RAPGEF2: variants seen among roughly 807,000 people sequenced by gnomAD.
RAPGEF2 encodes PDZ domain containing guanine nucleotide exchange factor (GEF) 1.
A neutral mutation model predicts 186.7 loss-of-function variants in RAPGEF2; 54 were observed. The ratio of observed to expected loss-of-function variants is 0.29; its 90% CI spans 0.23 to 0.36. The LOEUF (loss-of-function observed/expected upper bound fraction) is 0.36. Among genes scored for constraint, RAPGEF2 ranks in the 10% least tolerant of loss-of-function variants. The probability of loss-of-function intolerance (pLI) is 1.00; values close to 1 mark genes in which losing one functional copy is unlikely to be tolerated. For missense variants in RAPGEF2, 1,532 were observed against 2,045.0 expected (o/e 0.75, Z 4.84); for synonymous variants, 712 against 705.9 (o/e 1.01, Z -0.14).
intron 1 of RAPGEF2, chr4:159,128,944 G>GTATGTA (rs1740697476): frequency 7.5e-6 from 1 of 132,950 alleles, no homozygotes; most frequent in African/African-American, 2.7e-5. Flanking sequence ...GTGTGTGTGT[G>GTATGTA]TATATATATA....
At chr4:159,205,519 T>G (rs2111355359) in intron 3 of RAPGEF2, among the ~76,000 whole-genome samples, 1 of 152,314 alleles carries the variant, frequency 6.6e-6, no homozygotes, top group East Asian at 1.9e-4. Context: ...GGTTAGGCTC[T>G]GTGTCCCCAC....
intron 7 of RAPGEF2, among the ~76,000 whole-genome samples, chr4:159,278,673 C>T (rs1482597987): frequency 3.3e-5 from 5 of 152,144 alleles, no homozygotes; most frequent in Non-Finnish European, 7.4e-5. Flanking sequence ...GCATTGTGGT[C>T]AGAAAACTCC....
intron 20 of RAPGEF2, 129 bp downstream of exon 20, chr4:159,342,076 T>C: frequency 1.1e-6 from 1 of 931,936 alleles, no homozygotes; most frequent in Non-Finnish European, 1.5e-6. Context: ...ACAATTCTTT[T>C]TCTCTGAATC....
chr4:159,157,428 T>C (rs1333835976), intron 1 of RAPGEF2, among the ~76,000 whole-genome samples: 3 of 152,242 alleles, frequency 2.0e-5, no homozygotes, highest in Non-Finnish European at 4.4e-5. Flanking sequence ...CTATTATTGC[T>C]AATACTCCCA....
At chr4:159,163,348 G>A (rs919201189) in intron 1 of RAPGEF2, among the ~76,000 whole-genome samples, 10 of 152,282 alleles carry the variant, frequency 6.6e-5, no homozygotes, top group East Asian at 1.9e-4. Flanking sequence ...ACATTTTATT[G>A]TGAGGTATAA....
rs956047107 is a variant in RAPGEF2 at position 159,251,516 on chromosome 4, T to C, written c.543+7725T>C. Among the ~76,000 whole-genome samples the C allele has an allele frequency of 3.9e-5, 6 of 152,132 alleles. No homozygotes were observed. The East Asian group carries it at 1.2e-3, about 30-fold the overall frequency. On this transcript the variant is annotated intron_variant, in intron 7 of 29. Transcript: ENST00000691494. ...AGCACTCTGTATCCAGCTAATCTGGTAGGGACTTGGAGAACTTTTATGTCT... is the reference window on the plus strand; with the variant it reads ...AGCACTCTGTATCCAGCTAATCTGGCAGGGACTTGGAGAACTTTTATGTCT...
chr4:159,237,107 G>A (rs1221395554), intron 4 of RAPGEF2, among the ~76,000 whole-genome samples: 1 of 152,092 alleles, frequency 6.6e-6, no homozygotes, highest in African/African-American at 2.4e-5. Flanking sequence ...TGCAACCTCT[G>A]CCTCCCATGC....
At chr4:159,345,504 G>A (rs12510638) in intron 24 of RAPGEF2, among the ~76,000 whole-genome samples, 175 bp downstream of exon 24, 4 of 152,040 alleles carry the variant, frequency 2.6e-5, no homozygotes, top group Non-Finnish European at 5.9e-5. Context: ...CACTGTGCAC[G>A]GCCAGGCCGT....
chr4:159,300,044 A>G (rs1453852178), intron 7 of RAPGEF2, among the ~76,000 whole-genome samples: 2 of 151,902 alleles, frequency 1.3e-5, no homozygotes, highest in Non-Finnish European at 2.9e-5. Context: ...GCTTTCAATA[A>G]ATGATGGATG....
chr4:159,217,165 T>C (rs778977725), intron 4 of RAPGEF2, among the ~76,000 whole-genome samples: 4 of 152,160 alleles, frequency 2.6e-5, no homozygotes, highest in Non-Finnish European at 5.9e-5. Flanking sequence ...TGGGATTATT[T>C]ATTTTAATTT....
chr4:159,273,854 G>T (rs1001244671), intron 7 of RAPGEF2, among the ~76,000 whole-genome samples: 1 of 152,016 alleles, frequency 6.6e-6, no homozygotes, highest in Admixed American at 6.6e-5. Flanking sequence ...GTGCAGTGGC[G>T]CAGTCTTGGC....
intron 1 of RAPGEF2, among the ~76,000 whole-genome samples, chr4:159,159,713 T>C (rs925923738): frequency 1.3e-5 from 2 of 152,232 alleles, no homozygotes; most frequent in African/African-American, 4.8e-5. Context: ...CATTCAAGAT[T>C]ATAATAACAA....
At chr4:159,304,553 A>G in intron 8 of RAPGEF2, 80 bp downstream of exon 8, 2 of 1,301,000 alleles carry the variant, frequency 1.5e-6, no homozygotes, top group East Asian at 2.4e-5. Context: ...GATAGAATCT[A>G]TAAAATAAAT....
chr4:159,267,711 T>TA (rs1235932568), intron 7 of RAPGEF2: 12 of 1,002,620 alleles, frequency 1.2e-5, no homozygotes, highest in Non-Finnish European at 1.3e-5. Flanking sequence ...GCCTGGTTCT[T>TA]ATACCACCCT....
At chr4:159,131,530 T>TTG (rs1741100342) in intron 1 of RAPGEF2, among the ~76,000 whole-genome samples, 6 of 149,002 alleles carry the variant, frequency 4.0e-5, no homozygotes, top group Admixed American at 1.3e-4. Context: ...TTTTTTTTTT[T>TTG]TTTTTTTTTT....
rs192167813 is a variant in RAPGEF2, at chr4:159,210,766, C to A, written c.281+183C>A. ...TTTGTTTTGTATATACTTTTCCAAT[C>A]TCTTTAACAAAGGGCAAGAACAGAA... On this transcript the variant is annotated intron_variant, in intron 4 of 29. Coordinates refer to ENST00000691494, the MANE Select transcript of RAPGEF2 (RefSeq NM_001394067.2). Among the ~76,000 whole-genome samples the A allele has an allele frequency of 1.8e-3, 279 of 152,318 alleles. 2 individuals carry two copies. Among genetic ancestry groups the A allele is most frequent in the African/African-American group, 6.1e-3 (254 of 41,572 alleles).
At chr4:159,234,524 A>T (rs1753002978) in intron 4 of RAPGEF2, among the ~76,000 whole-genome samples, 1 of 149,008 alleles carries the variant, frequency 6.7e-6, no homozygotes, top group Admixed American at 6.7e-5. Flanking sequence ...CTGGGACCTC[A>T]GGCACATGCC....
At chr4:159,202,714 G>A (rs1749574711) in intron 3 of RAPGEF2, among the ~76,000 whole-genome samples, 1 of 152,126 alleles carries the variant, frequency 6.6e-6, no homozygotes, top group Admixed American at 6.6e-5. Flanking sequence ...CGATTCTCTT[G>A]CCTCAGCCTC....
rs1302431770 is a variant in RAPGEF2 at position 159,104,006 on chromosome 4, CCCCCCCGCGGG to C, written c.-152_-142del. 5.7e-6 allele frequency: 1 copy of C among 174,874 alleles called. No homozygotes were observed. The highest frequency in any genetic ancestry group is 1.1e-5 in the Non-Finnish European group (1 of 89,830). 10.8% of individuals were successfully genotyped at this position (174,874 alleles called of 1,614,324 possible). A position where few individuals can be genotyped will look rare whatever the true frequency, so the allele number is the denominator to read the frequency against. ...TCGGCCGCCGGGCCCAGCCGAGCCG[CCCCCCCGCGGG>C]CCCCGCGCCGCCGCCGCCGCGGTTT... On this transcript the variant is annotated 5_prime_UTR_variant, in exon 1 of 30. Coordinates refer to ENST00000691494, the MANE Select transcript of RAPGEF2 (RefSeq NM_001394067.2).
Sources: allele counts gnomAD v4.1 joint callset (sites outside exome capture counted in the v4.1 genomes callset), GRCh38; gene constraint gnomAD v4.1.1; transcripts MANE v1.5; gene names NCBI Gene and HGNC (gene_info 2026-07-23, HGNC 2026-07-21).